Variants in CELF4 observed in about 807,000 individuals in gnomAD.
CELF4 encodes CUG-BP- and ETR-3-like factor 4.
Under a neutral mutation model 59.9 loss-of-function variants are expected in CELF4, and 18 were observed. That is an observed-to-expected ratio of 0.30 (90% CI 0.21 to 0.45). CELF4 has a LOEUF of 0.45. Ranked by LOEUF, CELF4 falls within the 20% of genes least tolerant of loss-of-function variation. The pLI is 1.00. For missense variants in CELF4, 456 were observed against 689.0 expected, an observed-to-expected ratio of 0.66 and a Z score of 3.79; for synonymous variants, 261 against 267.1, an observed-to-expected ratio of 0.98 and a Z score of 0.22.
chr18:37,529,716 G>A (rs769090518), intron 1 of CELF4, among the ~76,000 whole-genome samples: 1 of 152,178 alleles, frequency 6.6e-6, no homozygotes, highest in Non-Finnish European at 1.5e-5. Context: ...GTGCTGGTAG[G>A]GGGGCAGGAA....
intron 3 of CELF4, among the ~76,000 whole-genome samples, chr18:37,312,069 C>T (rs2096677721): frequency 1.4e-5 from 2 of 144,608 alleles, no homozygotes; most frequent in South Asian, 2.2e-4. Flanking sequence ...CCATATCACG[C>T]CACTGCACTC....
chr18:37,313,983 G>T (rs901028064), intron 3 of CELF4, among the ~76,000 whole-genome samples: 2 of 152,188 alleles, frequency 1.3e-5, no homozygotes, highest in African/African-American at 4.8e-5. Flanking sequence ...GCACCTAAAG[G>T]CTGCAGGAAC....
At chr18:37,396,800 C>T (rs887023248) in intron 2 of CELF4, among the ~76,000 whole-genome samples, 5 of 152,164 alleles carry the variant, frequency 3.3e-5, no homozygotes, top group African/African-American at 7.2e-5. Context: ...TCTCAGTGAC[C>T]GCACAGCCAA....
chr18:37,502,043 G>A (rs948417317), intron 1 of CELF4, among the ~76,000 whole-genome samples: 1 of 152,158 alleles, frequency 6.6e-6, no homozygotes, highest in Non-Finnish European at 1.5e-5. Context: ...AGCATGGGCT[G>A]CCTCTGCCTC....
chr18:37,345,542 A>G (rs1034595670), intron 2 of CELF4, among the ~76,000 whole-genome samples: 1 of 152,120 alleles, frequency 6.6e-6, no homozygotes, highest in Non-Finnish European at 1.5e-5. Context: ...GATGCTCAGT[A>G]GACATTAAAA....
intron 8 of CELF4, among the ~76,000 whole-genome samples, chr18:37,269,200 A>G (rs1034905505): frequency 1.3e-5 from 2 of 152,012 alleles, no homozygotes; most frequent in Non-Finnish European, 2.9e-5. Context: ...GCTTGGGGTC[A>G]TCATCCTTAA....
chr18:37,378,635 C>A (rs966901216), intron 2 of CELF4, among the ~76,000 whole-genome samples: 7 of 152,110 alleles, frequency 4.6e-5, no homozygotes, highest in African/African-American at 1.7e-4. Context: ...TATTAGAAAC[C>A]CCAAATTAAA....
intron 12 of CELF4, among the ~76,000 whole-genome samples, chr18:37,248,512 T>C (rs11661840): frequency 0.45 from 67,902 of 151,980 alleles, 17,812 homozygotes; most frequent in African/African-American, 0.74. Context: ...CCTCCAGCCT[T>C]TGCTGCTCCC....
chr18:37,541,446 C>A (rs535359283), intron 1 of CELF4, among the ~76,000 whole-genome samples: 3 of 152,154 alleles, frequency 2.0e-5, no homozygotes, highest in Non-Finnish European at 4.4e-5. Context: ...ACCTTCACTG[C>A]CCTTCTTAAT....
chr18:37,407,778 G>A (rs2099400159), intron 2 of CELF4, among the ~76,000 whole-genome samples: 1 of 152,012 alleles, frequency 6.6e-6, no homozygotes, highest in African/African-American at 2.4e-5. Context: ...CCTTCTGTCT[G>A]CTCTCCAGGA....
chr18:37,313,331 C>G (rs977910264), intron 3 of CELF4, among the ~76,000 whole-genome samples: 2 of 152,204 alleles, frequency 1.3e-5, no homozygotes, highest in Non-Finnish European at 2.9e-5. Flanking sequence ...GGGCCGAGGG[C>G]TTCCTCAGCA....
intron 2 of CELF4, among the ~76,000 whole-genome samples, chr18:37,482,795 C>A (rs933953451): frequency 1.3e-5 from 2 of 152,102 alleles, no homozygotes; most frequent in Non-Finnish European, 2.9e-5. Flanking sequence ...CAACAGGATG[C>A]GAGCTCCATA....
chr18:37,445,441 G>T (rs1050124913), intron 2 of CELF4, among the ~76,000 whole-genome samples: 1 of 152,060 alleles, frequency 6.6e-6, no homozygotes, highest in Non-Finnish European at 1.5e-5. Flanking sequence ...TGCAGCTGGG[G>T]TCTGGGGTCG....
At chr18:37,317,404 A>C (rs1212382416) in intron 3 of CELF4, among the ~76,000 whole-genome samples, 1 of 152,194 alleles carries the variant, frequency 6.6e-6, no homozygotes, top group African/African-American at 2.4e-5. Flanking sequence ...AAAACAAAAC[A>C]AAACCATATT....
chr18:37,485,749 T>G, intron 1 of CELF4, 142 bp from the exon 2 acceptor site: 56 of 379,004 alleles, frequency 1.5e-4, no homozygotes, highest in Non-Finnish European at 2.1e-4. Context: ...CCGTGCACTG[T>G]TCTCGGAGCT....
At chr18:37,310,699 G>T (rs1048394816) in intron 3 of CELF4, among the ~76,000 whole-genome samples, 15 of 152,188 alleles carry the variant, frequency 9.9e-5, no homozygotes, top group Non-Finnish European at 1.5e-5. Flanking sequence ...GTTTTATCAG[G>T]CTGTTCCCAG....
At chr18:37,367,757 A>G (rs2098804423) in intron 2 of CELF4, among the ~76,000 whole-genome samples, 1 of 151,866 alleles carries the variant, frequency 6.6e-6, no homozygotes, top group Non-Finnish European at 1.5e-5. Context: ...TGGAACCATA[A>G]TACCTTAAAG....
chr18:37,476,686 C>T (rs1221299847), intron 2 of CELF4, among the ~76,000 whole-genome samples: 1 of 152,200 alleles, frequency 6.6e-6, no homozygotes, highest in African/African-American at 2.4e-5. Flanking sequence ...CCAGCAGAAA[C>T]CCTCCAATCC....
intron 1 of CELF4, among the ~76,000 whole-genome samples, chr18:37,504,056 A>G (rs1002230043): frequency 6.6e-6 from 1 of 152,208 alleles, no homozygotes; most frequent in Non-Finnish European, 1.5e-5. Flanking sequence ...CCTGGGCTAG[A>G]AATCATGAAC....
Sources: allele counts gnomAD v4.1 joint callset (sites outside exome capture counted in the v4.1 genomes callset), GRCh38; gene constraint gnomAD v4.1.1; transcripts MANE v1.5; gene names NCBI Gene and HGNC (gene_info 2026-07-23, HGNC 2026-07-21).